The following NECTIN3 variants were observed in gnomAD, a reference collection of about 807,000 sequenced individuals.
NECTIN3 encodes the protein nectin cell adhesion molecule 3, also known as nectin-3.
NECTIN3 carries 8 observed loss-of-function variants against 49.4 expected under a neutral mutation model. The observed-to-expected ratio is 0.16, with a 90% CI of 0.10 to 0.29. NECTIN3 has a LOEUF of 0.29. Ranked by LOEUF, NECTIN3 falls within the 10% of genes least tolerant of loss-of-function variation. NECTIN3 has a pLI of 1.00. For missense variants in NECTIN3, 581 were observed against 654.6 expected, an observed-to-expected ratio of 0.89 and a Z score of 1.23; for synonymous variants, 277 against 241.1, an observed-to-expected ratio of 1.15 and a Z score of -1.38.
intron 1 of NECTIN3, among the ~76,000 whole-genome samples, chr3:111,083,233 A>C (rs2031732752): frequency 6.6e-6 from 1 of 152,130 alleles, no homozygotes; most frequent in South Asian, 2.1e-4. Flanking sequence ...TTGGGAAAGA[A>C]AGGAAAGAGA....
chr3:111,102,160 T>TG (rs2032940830), intron 1 of NECTIN3, among the ~76,000 whole-genome samples: 1 of 152,156 alleles, frequency 6.6e-6, no homozygotes, highest in African/African-American at 2.4e-5. Flanking sequence ...GGTTGGGATG[T>TG]GGAGATCAAT....
chr3:111,137,251 G>T lies in NECTIN3; in HGVS notation c.*3036G>T, dbSNP rs115245936. On this transcript the variant is annotated 3_prime_UTR_variant, in exon 6 of 6. Transcript: ENST00000485303. ...GTAAAATATAAGAAAGGAATAAATGGTACCCATTTTGAATTTTTAATTCTA... is the reference window on the plus strand; with the variant it reads ...GTAAAATATAAGAAAGGAATAAATGTTACCCATTTTGAATTTTTAATTCTA... 6.4e-6 allele frequency: 6 copies of T among 938,140 alleles called. No homozygotes were observed. The highest frequency in any genetic ancestry group is 6.4e-6 in the Non-Finnish European group (5 of 787,198). The allele number at this position is 938,140 out of a possible 1,614,324, so 58.1% of individuals were successfully genotyped here.
At chr3:111,178,630 G>A (rs987366067) in intron 7 of NECTIN3, among the ~76,000 whole-genome samples, 1 of 152,164 alleles carries the variant, frequency 6.6e-6, no homozygotes, top group Non-Finnish European at 1.5e-5. Flanking sequence ...TACGGATGAC[G>A]ATAAACCAGA....
intron 1 of NECTIN3, among the ~76,000 whole-genome samples, chr3:111,086,606 A>C (rs1016457293): frequency 4.1e-4 from 62 of 152,238 alleles, no homozygotes; most frequent in African/African-American, 1.3e-3. Context: ...CCATTTTTCT[A>C]TCTCTGTACA....
intron 7 of NECTIN3, among the ~76,000 whole-genome samples, chr3:111,168,203 A>G (rs2035358669): frequency 6.6e-6 from 1 of 152,210 alleles, no homozygotes; most frequent in Non-Finnish European, 1.5e-5. Flanking sequence ...ATGGTAATAC[A>G]GAGGAGAAGA....
At chr3:111,190,708 C>T (rs987883144), upstream of NECTIN3, among the ~76,000 whole-genome samples, 5 of 152,286 alleles carry the variant, frequency 3.3e-5, no homozygotes, top group East Asian at 1.9e-4. Context: ...CCCAAAGGCC[C>T]CACCTTTTAG....
At position 111,134,403 on chromosome 3, in the gene NECTIN3, AT is replaced by A. The variant is rs1312301909; in HGVS notation, c.*196del. The A allele has an allele frequency of 3.6e-5, 48 of 1,322,440 alleles. No individual in the cohort carries two copies. The highest frequency in any genetic ancestry group is 2.9e-4 in the East Asian group (10 of 33,992). The allele number at this position is 1,322,440 out of a possible 1,614,324, so 81.9% of individuals were successfully genotyped here. On this transcript the variant is annotated 3_prime_UTR_variant, in exon 6 of 6. Coordinates refer to ENST00000485303, the MANE Select transcript of NECTIN3 (RefSeq NM_015480.3). ...TTCAGTGTATCTAAGCTGCTTTACA[AT>A]TTTTTTTCAATGCTGTACTACTGTC...
upstream of NECTIN3, among the ~76,000 whole-genome samples, chr3:111,191,798 G>T (rs956193132): frequency 2.0e-5 from 3 of 152,114 alleles, no homozygotes; most frequent in Non-Finnish European, 4.4e-5. Flanking sequence ...AAACAAGTTT[G>T]CATGAGAACT....
chr3:111,080,773 G>C (rs533324016), intron 1 of NECTIN3, among the ~76,000 whole-genome samples: 1 of 151,976 alleles, frequency 6.6e-6, no homozygotes, highest in African/African-American at 2.4e-5. Context: ...AGGATACCAC[G>C]GTGGAATGAG....
intron 7 of NECTIN3, among the ~76,000 whole-genome samples, chr3:111,180,943 T>A (rs181017025): frequency 1.6e-3 from 241 of 152,292 alleles, no homozygotes; most frequent in East Asian, 3.9e-3. Flanking sequence ...GAGTTTTTTT[T>A]AAAAAAACTT....
chr3:111,097,533 A>G (rs879699246), intron 1 of NECTIN3, among the ~76,000 whole-genome samples: 2 of 152,094 alleles, frequency 1.3e-5, no homozygotes, highest in South Asian at 4.2e-4. Flanking sequence ...TCCCCACCCA[A>G]ATCTCATCTT....
chr3:111,141,598 C>CTT (rs2034746366), downstream of NECTIN3, among the ~76,000 whole-genome samples: 1 of 151,760 alleles, frequency 6.6e-6, no homozygotes, highest in South Asian at 2.1e-4. Flanking sequence ...TGCATGCTAT[C>CTT]TTTTAATTAG....
intron 5 of NECTIN3, among the ~76,000 whole-genome samples, chr3:111,130,032 T>C (rs1254403046): frequency 6.7e-6 from 1 of 150,066 alleles, no homozygotes; most frequent in Admixed American, 6.7e-5. Flanking sequence ...CTTGGCTCAC[T>C]GCAGGCTCCG....
intron 4 of NECTIN3, 73 bp from the exon 5 acceptor site, chr3:111,126,111 C>A: frequency 2.9e-6 from 3 of 1,042,722 alleles, no homozygotes; most frequent in Non-Finnish European, 3.9e-6. Context: ...ACATATAATG[C>A]CTCATTTTAA....
chr3:111,094,397 T>C (rs2032466109), intron 1 of NECTIN3, among the ~76,000 whole-genome samples: 1 of 152,210 alleles, frequency 6.6e-6, no homozygotes, highest in Non-Finnish European at 1.5e-5. Context: ...CAGTCTTACT[T>C]TTTCATATTG....
intron 7 of NECTIN3, among the ~76,000 whole-genome samples, chr3:111,180,953 T>C (rs1386904905): frequency 6.6e-6 from 1 of 152,156 alleles, no homozygotes; most frequent in East Asian, 1.9e-4. Context: ...TAAAAAAACT[T>C]TATTGAGTTG....
At chr3:111,112,496 G>T in intron 2 of NECTIN3, 125 bp downstream of exon 2, 2 of 652,076 alleles carry the variant, frequency 3.1e-6, no homozygotes, top group Non-Finnish European at 4.9e-6. Flanking sequence ...ATTCAAATAC[G>T]ATTTTTCAAG....
chr3:111,100,173 T>G (rs1398104404), intron 1 of NECTIN3, among the ~76,000 whole-genome samples: 3 of 152,112 alleles, frequency 2.0e-5, no homozygotes, highest in Non-Finnish European at 4.4e-5. Flanking sequence ...AGTTTGAGAT[T>G]TTTGGATTAT....
chr3:111,134,975 G>GT lies in NECTIN3; in HGVS notation c.*771dup, dbSNP rs573763921. On this transcript the variant is annotated 3_prime_UTR_variant, in exon 6 of 6. Transcript: ENST00000485303. ...TACCTTTCAAACATGATAATTATTA[G>GT]TTTTTTTTTTTCCTTTCTGGAACAT... is the stretch of plus-strand genomic sequence containing the variant. 0.083 allele frequency: 55,238 copies of GT among 669,366 alleles called. 274 individuals carry two copies. The highest frequency in any genetic ancestry group is 0.11 in the Middle Eastern group (142 of 1,308). 41.5% of individuals were successfully genotyped at this position (669,366 alleles called of 1,614,324 possible). A position where few individuals can be genotyped will look rare whatever the true frequency, so the allele number is the denominator to read the frequency against.
Sources: gnomAD v4.1 joint callset for allele counts (sites outside exome capture counted in the v4.1 genomes callset) on GRCh38, gnomAD v4.1.1 for gene constraint, MANE v1.5 for transcripts, NCBI Gene and HGNC (gene_info 2026-07-23, HGNC 2026-07-21) for gene names.